PMFBP1: variants seen among roughly 807,000 people sequenced by gnomAD.
PMFBP1 encodes polyamine-modulated factor 1-binding protein 1.
A neutral mutation model predicts 137.8 loss-of-function variants in PMFBP1; 131 were observed. The ratio of observed to expected loss-of-function variants is 0.95; its 90% CI spans 0.82 to 1.10. PMFBP1 has a LOEUF of 1.10. PMFBP1 is among the 50% of genes least tolerant of loss of function. The pLI is 0.00. For missense variants in PMFBP1, 1,199 were observed against 1,175.4 expected, an observed-to-expected ratio of 1.02 and a Z score of -0.29; for synonymous variants, 490 against 450.4, an observed-to-expected ratio of 1.09 and a Z score of -1.11.
the PMFBP1 span, chr16:72,224,721 T>C: frequency 1.3e-5 from 2 of 152,318 alleles, no homozygotes; most frequent in African/African-American, 4.8e-5. Flanking sequence ...AGTAATTTGC[T>C]TTTAGAGTTC....
chr16:72,242,944 T>G, the PMFBP1 span, among the ~76,000 whole-genome samples: 1 of 152,092 alleles, frequency 6.6e-6, no homozygotes, highest in African/African-American at 2.4e-5. Flanking sequence ...GAGCCCTGGG[T>G]GGGTATAACA....
downstream of PMFBP1, among the ~76,000 whole-genome samples, chr16:72,118,200 G>A (rs1171408970): frequency 6.6e-6 from 1 of 152,202 alleles, no homozygotes; most frequent in East Asian, 1.9e-4. Flanking sequence ...CAAGCCACAG[G>A]CTAGATGAGT....
chr16:72,198,272 C>G, the PMFBP1 span, among the ~76,000 whole-genome samples: 1 of 152,148 alleles, frequency 6.6e-6, no homozygotes, highest in Non-Finnish European at 1.5e-5. Flanking sequence ...CACTTAACCT[C>G]AATCGCTTCC....
At position 72,124,775 on chromosome 16, in the gene PMFBP1, C is replaced by T. The variant is rs769233423; in HGVS notation, c.2581G>A (p.Asp861Asn). 1.9e-5 allele frequency: 30 copies of T among 1,613,564 alleles called. No homozygotes were observed. The highest frequency in any genetic ancestry group is 2.2e-5 in the South Asian group (2 of 91,026). ...AGCCAAGGCATGCCCACCTCCTTAT[C>T]GTCCTCAAGGAGGTTCTCTTTTAAG... The part of the protein sequence containing the change: ...AALKENLLED[D>N]KEPCCLPQWS... Residue 861 changes from aspartate to asparagine, a missense_variant, in exon 17 of 21, where the codon GAT becomes AAT. By Grantham distance (23) the Asp-to-Asn change is conservative. Transcript: ENST00000237353.
the PMFBP1 span, among the ~76,000 whole-genome samples, chr16:72,192,625 C>T: frequency 6.6e-6 from 1 of 152,000 alleles, no homozygotes; most frequent in East Asian, 1.9e-4. Flanking sequence ...TGGTGGCTTG[C>T]ACCTGTAATC....
chr16:72,231,355 A>C, the PMFBP1 span, among the ~76,000 whole-genome samples: 1 of 152,182 alleles, frequency 6.6e-6, no homozygotes, highest in Non-Finnish European at 1.5e-5. Context: ...TCATGACCAC[A>C]ACGAACCCCA....
At position 72,122,946 on chromosome 16, in the gene PMFBP1, C is replaced by T. The variant is rs774423198; in HGVS notation, c.2736G>A (p.Val912=). 3.1e-6 allele frequency: 5 copies of T among 1,613,314 alleles called. No individual in the cohort carries two copies. The East Asian group carries it at 1.1e-4, about 36-fold the overall frequency. Residue 912 remains valine, a synonymous_variant, in exon 19 of 21, where the codon GTG becomes GTA. Transcript: ENST00000237353. The part of the protein sequence containing the change: ...EKLGNQLREQ[V]KYIAKLSGEK... ...CGCCACTCAGCTTGGCAATGTATTT[C>T]ACCTGCTCTCGGAGCTGGTTTCCTA...
chr16:72,129,289 GA>G (rs1490258650), intron 12 of PMFBP1, 56 bp from the exon 13 acceptor site: 47 of 1,554,366 alleles, frequency 3.0e-5, no homozygotes, highest in African/African-American at 5.5e-5. Context: ...ATATTTGGGG[GA>G]AAAATACAGA....
At chr16:72,140,282 C>A in intron 6 of PMFBP1, 130 bp downstream of exon 6, 1 of 914,276 alleles carries the variant, frequency 1.1e-6, no homozygotes, top group East Asian at 2.4e-5. Context: ...AGTTGGGGGG[C>A]AAGTATATAT....
At chr16:72,221,488 A>G in the PMFBP1 span, among the ~76,000 whole-genome samples, 6 of 152,226 alleles carry the variant, frequency 3.9e-5, no homozygotes, top group East Asian at 1.2e-3. Context: ...ATGTCTGTCA[A>G]GCGGAACTTG....
the PMFBP1 span, among the ~76,000 whole-genome samples, chr16:72,238,553 T>A: frequency 6.6e-6 from 1 of 152,200 alleles, no homozygotes; most frequent in Non-Finnish European, 1.5e-5. Flanking sequence ...ATGTCAGTAA[T>A]CAATTGCTCA....
At chr16:72,228,755 CTTCTT>C in the PMFBP1 span, among the ~76,000 whole-genome samples, 1 of 151,642 alleles carries the variant, frequency 6.6e-6, no homozygotes, top group Non-Finnish European at 1.5e-5. Flanking sequence ...CACTTTTAGG[CTTCTT>C]TTCTTTCTTG....
chr16:72,118,482 CCA>C (rs946585161), downstream of PMFBP1, among the ~76,000 whole-genome samples: 1 of 152,166 alleles, frequency 6.6e-6, no homozygotes, highest in African/African-American at 2.4e-5. Context: ...TCATTGCTAA[CCA>C]GTGGGTTTCT....
the PMFBP1 span, among the ~76,000 whole-genome samples, chr16:72,240,461 A>G: frequency 6.6e-6 from 1 of 152,274 alleles, no homozygotes; most frequent in Non-Finnish European, 1.5e-5. Flanking sequence ...ATTCCTGACT[A>G]GGCAGATCAT....
chr16:72,183,291 A>T, the PMFBP1 span, among the ~76,000 whole-genome samples: 1 of 152,232 alleles, frequency 6.6e-6, no homozygotes, highest in Non-Finnish European at 1.5e-5. Flanking sequence ...GCCTAGGGCT[A>T]CTGTAACAAA....
chr16:72,122,864 C>T (rs764143155), intron 19 of PMFBP1, 50 bp downstream of exon 19: 4 of 1,552,390 alleles, frequency 2.6e-6, no homozygotes, highest in East Asian at 4.5e-5. Flanking sequence ...CCCTGCTGAC[C>T]CTTCTTGTCA....
intron 6 of PMFBP1, among the ~76,000 whole-genome samples, chr16:72,140,019 A>G (rs1314049108): frequency 1.3e-5 from 2 of 152,360 alleles, no homozygotes; most frequent in South Asian, 2.1e-4. Context: ...TGAACTATAC[A>G]TGGAATTCTG....
chr16:72,127,013 C>G (rs2042470733), intron 14 of PMFBP1, among the ~76,000 whole-genome samples: 2 of 152,134 alleles, frequency 1.3e-5, no homozygotes, highest in African/African-American at 4.8e-5. Context: ...CAGAAACTAG[C>G]CTTCTTATAT....
chr16:72,137,847 G>A (rs761964018), intron 7 of PMFBP1, among the ~76,000 whole-genome samples: 5 of 152,096 alleles, frequency 3.3e-5, no homozygotes, highest in Non-Finnish European at 5.9e-5. Flanking sequence ...AGGAGGGAGG[G>A]CAGCAGCAGG....
Sources: gnomAD v4.1 joint callset for allele counts (sites outside exome capture counted in the v4.1 genomes callset) on GRCh38, gnomAD v4.1.1 for gene constraint, MANE v1.5 for transcripts, NCBI Gene and HGNC (gene_info 2026-07-23, HGNC 2026-07-21) for gene names.